Variants in BICD2 observed in about 807,000 individuals in gnomAD.
BICD2 encodes the protein BICD cargo adaptor 2, also known as protein bicaudal D homolog 2.
Under a neutral mutation model 72.9 loss-of-function variants are expected in BICD2, and 25 were observed. The observed-to-expected ratio is 0.34, with a 90% CI of 0.25 to 0.48. BICD2 has a LOEUF of 0.48. BICD2 is among the 20% of genes least tolerant of loss of function. The pLI is 0.99. For missense variants in BICD2, 894 were observed against 1,175.2 expected, an observed-to-expected ratio of 0.76 and a Z score of 3.50; for synonymous variants, 501 against 516.1, an observed-to-expected ratio of 0.97 and a Z score of 0.40.
In BICD2 at chr9:92,739,880, T is replaced by C. The variant is rs184721132; in HGVS notation, c.241-10644A>G. ...TTGCTCCACTCCGGGAAGGTCTGCATGTGCTGTTCAGGGTCCTGCCCTGCA... is the reference window on the plus strand; with the variant it reads ...TTGCTCCACTCCGGGAAGGTCTGCACGTGCTGTTCAGGGTCCTGCCCTGCA... On this transcript the variant is annotated intron_variant, in intron 1 of 6. Transcript: ENST00000356884. Among the ~76,000 whole-genome samples the C allele has an allele frequency of 1.1e-4, 17 of 152,312 alleles. No individual in the cohort carries two copies. The East Asian group carries it at 2.9e-3, about 26-fold the overall frequency.
At chr9:92,751,245 G>A (rs1197862480) in intron 1 of BICD2, among the ~76,000 whole-genome samples, 1 of 151,988 alleles carries the variant, frequency 6.6e-6, no homozygotes, top group Non-Finnish European at 1.5e-5. Context: ...CGGCTTCCTG[G>A]GTTCAAGTGA....
At chr9:92,756,416 C>T (rs1269994132) in intron 1 of BICD2, among the ~76,000 whole-genome samples, 1 of 151,906 alleles carries the variant, frequency 6.6e-6, no homozygotes, top group Non-Finnish European at 1.5e-5. Flanking sequence ...TGCCTGCCAC[C>T]AAGCCCGGCT....
chr9:92,746,269 C>T (rs541838683), intron 1 of BICD2, among the ~76,000 whole-genome samples: 11 of 152,130 alleles, frequency 7.2e-5, no homozygotes, highest in East Asian at 1.9e-4. Flanking sequence ...TGGTGGCTCA[C>T]GCCTGTAATC....
intron 2 of BICD2, among the ~76,000 whole-genome samples, chr9:92,728,685 C>T (rs1853617036): frequency 6.6e-6 from 1 of 152,236 alleles, no homozygotes; most frequent in Non-Finnish European, 1.5e-5. Context: ...CGAGGAGTGC[C>T]CCATGGGCAT....
chr9:92,739,269 C>A (rs573812321), intron 1 of BICD2, among the ~76,000 whole-genome samples: 6 of 152,210 alleles, frequency 3.9e-5, no homozygotes, highest in Non-Finnish European at 8.8e-5. Flanking sequence ...CACTTATTAG[C>A]GCTTACTGCA....
intron 1 of BICD2, among the ~76,000 whole-genome samples, chr9:92,758,719 T>A (rs1376149700): frequency 6.6e-6 from 1 of 151,974 alleles, no homozygotes; most frequent in Non-Finnish European, 1.5e-5. Flanking sequence ...CCGGGCATGG[T>A]GGCACATGCC....
At chr9:92,762,058 G>A (rs938878421) in intron 1 of BICD2, among the ~76,000 whole-genome samples, 3 of 152,156 alleles carry the variant, frequency 2.0e-5, no homozygotes, top group African/African-American at 4.8e-5. Flanking sequence ...TTCCCTCAAC[G>A]ATCCTATTAT....
rs186133837 is a variant in BICD2, at chr9:92,764,595, C to G, written c.150G>C (p.Val50=). The change falls in exon 1 of 7, where the codon GTG becomes GTC. Residue 50 remains valine, a synonymous_variant. Coordinates refer to ENST00000356884, the MANE Select transcript of BICD2 (RefSeq NM_001003800.2). The surrounding 1 kb of genome is among the most constrained non-coding windows in gnomAD (Gnocchi z 5.5). ...KIQAAEYGLA[V]LEEKHQLKLQ... ...GCTTGAGCTGGTGCTTCTCCTCGAGCACCGCCAGCCCGTACTCGGCCGCCT... is the reference window on the plus strand; with the variant it reads ...GCTTGAGCTGGTGCTTCTCCTCGAGGACCGCCAGCCCGTACTCGGCCGCCT... 7 of 1,580,836 alleles carry G rather than the reference C, an allele frequency of 4.4e-6. No individual in the cohort carries two copies. The highest frequency in any genetic ancestry group is 3.3e-4 in the Middle Eastern group (2 of 6,014).
chr9:92,761,898 A>T (rs1461151323), intron 1 of BICD2, among the ~76,000 whole-genome samples: 3 of 152,232 alleles, frequency 2.0e-5, no homozygotes, highest in African/African-American at 7.2e-5. Context: ...GGTCTCAGCC[A>T]GCACCGTGCT....
At chr9:92,731,909 T>C (rs887004753) in intron 1 of BICD2, among the ~76,000 whole-genome samples, 1 of 152,190 alleles carries the variant, frequency 6.6e-6, no homozygotes, top group Non-Finnish European at 1.5e-5. Flanking sequence ...TCCCAGGGCC[T>C]GAAAAAATTA....
intron 1 of BICD2, among the ~76,000 whole-genome samples, chr9:92,754,390 G>A (rs1183867247): frequency 6.6e-6 from 1 of 152,190 alleles, no homozygotes; most frequent in Non-Finnish European, 1.5e-5. Context: ...GGAGAAAACT[G>A]TACGTAGGCA....
chr9:92,719,709 G>A, intron 4 of BICD2, 127 bp from the exon 5 acceptor site: 1 of 978,570 alleles, frequency 1.0e-6, no homozygotes, highest in South Asian at 1.7e-5. Context: ...CAGGTTCCTT[G>A]GCCATGCTGT....
At chr9:92,736,254 T>C (rs1260437912) in intron 1 of BICD2, among the ~76,000 whole-genome samples, 2 of 152,194 alleles carry the variant, frequency 1.3e-5, no homozygotes, top group African/African-American at 2.4e-5. Context: ...AAAACCAAGA[T>C]GGCAAGGAGA....
chr9:92,724,967 G>A (rs1342671008), intron 2 of BICD2, among the ~76,000 whole-genome samples: 1 of 152,228 alleles, frequency 6.6e-6, no homozygotes, highest in African/African-American at 2.4e-5. Context: ...CGGAGTGGAA[G>A]CTGAGGGGAA....
chr9:92,724,379 T>A (rs1246789152), intron 2 of BICD2, among the ~76,000 whole-genome samples: 1 of 152,158 alleles, frequency 6.6e-6, no homozygotes, highest in Non-Finnish European at 1.5e-5. Context: ...AAAAAAGGAA[T>A]GCAACAGAGA....
In BICD2 at chr9:92,720,410, A is replaced by G; in HGVS notation, c.952T>C (p.Ser318Pro). 6.2e-7 allele frequency: 1 copy of G among 1,614,014 alleles called. No individual in the cohort carries two copies. The highest frequency in any genetic ancestry group is 8.5e-7 in the Non-Finnish European group (1 of 1,180,010). Residue 318 changes from serine (S) to proline (P), a missense_variant, in exon 4 of 7, where the codon TCC (serine) becomes CCC (proline). This residue lies in a region of BICD2 where 371 missense variants were observed against 439.1 expected (regional missense o/e 0.84). Coordinates refer to ENST00000356884, the MANE Select transcript of BICD2 (RefSeq NM_001003800.2). This position sits in a 1 kb window ranked among gnomAD's most constrained non-coding sequence, Gnocchi z 5.4. ...GCGAGGCCCTCCTTCTTGGGCGTGG[A>G]GGTCTTGTTGTCCAGTGGCAGCTTG... is the stretch of plus-strand genomic sequence containing the variant. ...LAKLPLDNKT[S>P]TPKKEGLAPP...
chr9:92,748,219 A>G (rs930464557), intron 1 of BICD2, among the ~76,000 whole-genome samples: 1 of 152,014 alleles, frequency 6.6e-6, no homozygotes, highest in Non-Finnish European at 1.5e-5. Flanking sequence ...CCCTTAGCTC[A>G]TGCACACTCC....
At chr9:92,761,110 G>A (rs935728499) in intron 1 of BICD2, among the ~76,000 whole-genome samples, 9 of 152,222 alleles carry the variant, frequency 5.9e-5, no homozygotes, top group African/African-American at 2.2e-4. Flanking sequence ...ACCCAAGCTT[G>A]AAGGGCAGGT....
chr9:92,718,075 C>T, intron 5 of BICD2, 127 bp from the exon 6 acceptor site: 13 of 1,219,540 alleles, frequency 1.1e-5, no homozygotes, highest in Non-Finnish European at 1.4e-5. Flanking sequence ...TCCTGGGAGG[C>T]CCCTCCCTGT....
Sources: allele counts gnomAD v4.1 joint callset (sites outside exome capture counted in the v4.1 genomes callset), GRCh38; gene constraint gnomAD v4.1.1; regional missense constraint gnomAD v4.1.1; non-coding constraint Gnocchi (gnomAD v3.1); transcripts MANE v1.5; gene names NCBI Gene and HGNC (gene_info 2026-07-23, HGNC 2026-07-21).